The following GPHN variants were observed in gnomAD, a reference collection of about 807,000 sequenced individuals.
GPHN encodes the protein gephyrin.
GPHN carries 17 observed loss-of-function variants against 95.5 expected under a neutral mutation model. The ratio of observed to expected loss-of-function variants is 0.18; its 90% CI spans 0.12 to 0.27. The LOEUF (loss-of-function observed/expected upper bound fraction) is 0.27, where lower values mean the gene tolerates loss of function less well. GPHN is among the 10% of genes least tolerant of loss of function. The pLI is 1.00. For missense variants in GPHN, 660 were observed against 978.1 expected (o/e 0.67, Z 4.34); for synonymous variants, 320 against 322.5 (o/e 0.99, Z 0.08).
At chr14:67,129,899 A>G (rs1291595147) in intron 17 of GPHN, among the ~76,000 whole-genome samples, 2 of 152,050 alleles carry the variant, frequency 1.3e-5, no homozygotes, top group Non-Finnish European at 2.9e-5. Flanking sequence ...AAAGAAAGAA[A>G]GTCTTTAATG....
intron 17 of GPHN, among the ~76,000 whole-genome samples, chr14:67,123,622 GC>G (rs566999839): frequency 3.9e-4 from 59 of 152,284 alleles, no homozygotes; most frequent in African/African-American, 1.4e-3. Context: ...GTTGAAGTGA[GC>G]TGAGATCGTA....
chr14:67,650,580 C>G, the GPHN span: 8 of 740,092 alleles, frequency 1.1e-5, no homozygotes, highest in Non-Finnish European at 1.6e-5. Context: ...AAGGGGCTTC[C>G]TAAAAATAGG....
At chr14:67,347,916 CTTT>C in the GPHN span, among the ~76,000 whole-genome samples, 5 of 146,232 alleles carry the variant, frequency 3.4e-5, no homozygotes, top group African/African-American at 1.0e-4. Context: ...AACTTGCCTT[CTTT>C]TTTTTTTTTT....
chr14:67,209,312 G>A, the GPHN span, among the ~76,000 whole-genome samples: 1 of 152,128 alleles, frequency 6.6e-6, no homozygotes, highest in African/African-American at 2.4e-5. Flanking sequence ...TAAAAAGAGA[G>A]AGAGAGAATA....
chr14:66,711,938 G>A, intron 2 of GPHN, among the ~76,000 whole-genome samples: 1 of 152,088 alleles, frequency 6.6e-6, no homozygotes, highest in Non-Finnish European at 1.5e-5. Context: ...TTTTATGGCT[G>A]CATAGTATTC....
At chr14:67,069,334 C>T (rs1417721400) in intron 11 of GPHN, among the ~76,000 whole-genome samples, 1 of 152,070 alleles carries the variant, frequency 6.6e-6, no homozygotes, top group African/African-American at 2.4e-5. Context: ...TTGTAAATTA[C>T]AGAGTATTTA....
chr14:66,816,950 T>G (rs527804277), intron 3 of GPHN, among the ~76,000 whole-genome samples: 2 of 152,290 alleles, frequency 1.3e-5, no homozygotes, highest in Admixed American at 1.3e-4. Flanking sequence ...TTTGATGAGT[T>G]GTTTACTCTT....
intron 9 of GPHN, chr14:66,969,422 A>C (rs1475355865): frequency 6.6e-6 from 1 of 152,232 alleles, no homozygotes; most frequent in Non-Finnish European, 1.5e-5. Flanking sequence ...TGTAATTGAT[A>C]AATTCTCTTT....
At chr14:66,818,587 T>C (rs1438947582) in intron 3 of GPHN, among the ~76,000 whole-genome samples, 1 of 152,130 alleles carries the variant, frequency 6.6e-6, no homozygotes, top group African/African-American at 2.4e-5. Flanking sequence ...CTTTATAATA[T>C]AATGATTTAT....
chr14:66,792,140 A>G (rs2059992132), intron 3 of GPHN, among the ~76,000 whole-genome samples: 1 of 152,148 alleles, frequency 6.6e-6, no homozygotes, highest in Non-Finnish European at 1.5e-5. Context: ...TCAAGGTGAG[A>G]TTTGAGTAGG....
chr14:67,557,454 T>G, the GPHN span: 2 of 1,600,166 alleles, frequency 1.2e-6, no homozygotes. Context: ...CCATGCCCTC[T>G]TCGACATCTG....
the GPHN span, among the ~76,000 whole-genome samples, chr14:67,332,185 GTT>G: frequency 8.5e-5 from 13 of 152,278 alleles, no homozygotes; most frequent in African/African-American, 3.1e-4. Context: ...TAATTAGAGG[GTT>G]CAGGATAAGT....
At chr14:66,964,281 C>G (rs1324907611) in intron 8 of GPHN, among the ~76,000 whole-genome samples, 1 of 152,064 alleles carries the variant, frequency 6.6e-6, no homozygotes, top group Non-Finnish European at 1.5e-5. Context: ...GCTAAATAAT[C>G]TACACACATT....
the GPHN span, among the ~76,000 whole-genome samples, chr14:67,718,284 G>A: frequency 3.3e-5 from 5 of 152,170 alleles, no homozygotes; most frequent in Non-Finnish European, 5.9e-5. Flanking sequence ...TATGTGATTT[G>A]AAGAATAGGG....
intron 3 of GPHN, among the ~76,000 whole-genome samples, chr14:66,812,381 T>C (rs1211455995): frequency 6.6e-6 from 1 of 152,204 alleles, no homozygotes; most frequent in Non-Finnish European, 1.5e-5. Context: ...GTCCAGCATA[T>C]AGTCTGAAAT....
rs561432083 is a variant in GPHN at position 67,008,173 on chromosome 14, G to A, written c.964-15460G>A. ...TTTGCAACTGCTCTTCAGATTAGTC[G>A]ACCAGGCGTGGTGGCTCATGCCTGT... is the stretch of plus-strand genomic sequence containing the variant. On this transcript the variant is annotated intron_variant, in intron 9 of 22. Transcript: ENST00000478722. Among the ~76,000 whole-genome samples the A allele has an allele frequency of 1.3e-4, 20 of 152,210 alleles. No homozygotes were observed. In the South Asian group the frequency reaches 2.5e-3, roughly 19 times the overall value.
chr14:67,581,575 T>A, the GPHN span: 1 of 168,624 alleles, frequency 5.9e-6, no homozygotes, highest in Non-Finnish European at 1.3e-5. Context: ...GATGGCTAAG[T>A]GTGTTACTTT....
At chr14:67,701,667 C>A in the GPHN span, among the ~76,000 whole-genome samples, 1 of 152,010 alleles carries the variant, frequency 6.6e-6, no homozygotes, top group Non-Finnish European at 1.5e-5. Flanking sequence ...TGTGATCCGC[C>A]CACTTCAGCC....
chr14:67,619,644 C>T, the GPHN span, among the ~76,000 whole-genome samples: 67 of 152,404 alleles, frequency 4.4e-4, no homozygotes, highest in African/African-American at 1.5e-3. Context: ...CGAAGGGACA[C>T]ACCTGTTGGT....
Sources: gnomAD v4.1 joint callset for allele counts (sites outside exome capture counted in the v4.1 genomes callset) on GRCh38, gnomAD v4.1.1 for gene constraint, MANE v1.5 for transcripts, NCBI Gene and HGNC (gene_info 2026-07-23, HGNC 2026-07-21) for gene names.